The following NKAIN3 variants were observed in gnomAD, a reference collection of about 807,000 sequenced individuals.
NKAIN3 encodes the protein sodium/potassium-transporting ATPase subunit beta-1-interacting protein 3.
In NKAIN3, 25 loss-of-function variants were observed where a neutral mutation model predicts 30.2. The ratio of observed to expected loss-of-function variants is 0.83; its 90% confidence interval spans 0.60 to 1.16. The LOEUF is 1.16. Among genes scored for constraint, NKAIN3 ranks in the 50% most tolerant of loss-of-function variants. The pLI, the probability that NKAIN3 is intolerant of heterozygous loss-of-function variation, is 0.00. For missense variants in NKAIN3, 225 were observed against 254.1 expected (o/e 0.89, Z 0.78); for synonymous variants, 91 against 89.6 (o/e 1.02, Z -0.09).
At chr8:62,839,310 A>C (rs1819461637) in intron 4 of NKAIN3, among the ~76,000 whole-genome samples, 1 of 151,958 alleles carries the variant, frequency 6.6e-6, no homozygotes. Flanking sequence ...CATTAAAAAA[A>C]AAAAAACAAA....
At chr8:62,696,666 T>TA (rs5891869) in intron 3 of NKAIN3, among the ~76,000 whole-genome samples, 9,159 of 147,408 alleles carry the variant, frequency 0.062, 858 homozygotes, top group African/African-American at 0.2. Context: ...AGTTCCCAAT[T>TA]AAAAAAAAAA....
At chr8:62,954,636 A>T (rs1035448177) in intron 6 of NKAIN3, among the ~76,000 whole-genome samples, 1 of 152,226 alleles carries the variant, frequency 6.6e-6, no homozygotes, top group Non-Finnish European at 1.5e-5. Flanking sequence ...ACTAGGAAAC[A>T]TGGAAATAGA....
At chr8:62,420,869 A>G (rs1563391215) in intron 1 of NKAIN3, among the ~76,000 whole-genome samples, 1 of 152,212 alleles carries the variant, frequency 6.6e-6, no homozygotes, top group Non-Finnish European at 1.5e-5. Flanking sequence ...TTTTGCTAAA[A>G]TATGGTTTTG....
intron 1 of NKAIN3, among the ~76,000 whole-genome samples, chr8:62,526,515 A>G (rs932669917): frequency 6.6e-6 from 1 of 152,136 alleles, no homozygotes; most frequent in Non-Finnish European, 1.5e-5. Context: ...TAAATAGTAG[A>G]TTACTAGTTT....
chr8:62,602,015 A>G (rs188824961), intron 3 of NKAIN3, among the ~76,000 whole-genome samples: 1 of 152,076 alleles, frequency 6.6e-6, no homozygotes, highest in African/African-American at 2.4e-5. Context: ...TTTTTCATAA[A>G]TTTCATCAAA....
At chr8:62,796,545 A>G (rs2130683597) in intron 4 of NKAIN3, among the ~76,000 whole-genome samples, 1 of 152,184 alleles carries the variant, frequency 6.6e-6, no homozygotes, top group South Asian at 2.1e-4. Flanking sequence ...AGCCAATCTG[A>G]ATTCCTCACA....
Position 62,715,679 on chromosome 8 carries a change from C to T in NKAIN3, c.274-31253C>T, listed in dbSNP as rs139736927. ...GATACATTTGTTGTTGTCATTGTTA[C>T]GTTATTGTGACAATGTCAAGAAGAA... On this transcript the variant is annotated intron_variant, in intron 3 of 6. Transcript: ENST00000623646. Among the ~76,000 whole-genome samples the T allele has an allele frequency of 1.2e-4, 19 of 152,222 alleles. No individual in the cohort carries two copies. In the East Asian group the frequency reaches 1.9e-3, roughly 15 times the overall value.
chr8:62,866,773 G>A lies in NKAIN3; in HGVS notation c.472-51680G>A, dbSNP rs569586168. ...TTAAAAATTAAAGTATTGGCCAGGC[G>A]CAGTGGCTCACGCCTCTAATCCCAG... On this transcript the variant is annotated intron_variant, in intron 4 of 6. Transcript: ENST00000623646. 5.3e-5 allele frequency among the ~76,000 whole-genome samples: 8 copies of A among 152,038 alleles called. No individual in the cohort carries two copies. In the East Asian group the frequency reaches 1.6e-3, roughly 29 times the overall value.
chr8:62,789,438 G>A (rs1817632270), intron 4 of NKAIN3, among the ~76,000 whole-genome samples: 1 of 152,122 alleles, frequency 6.6e-6, no homozygotes, highest in Admixed American at 6.6e-5. Flanking sequence ...TTTGGGCTGA[G>A]ACAATGGGGT....
At chr8:62,440,765 G>A (rs1274578875) in intron 1 of NKAIN3, among the ~76,000 whole-genome samples, 2 of 151,566 alleles carry the variant, frequency 1.3e-5, no homozygotes, top group Non-Finnish European at 2.9e-5. Flanking sequence ...GAAAGACCTT[G>A]GCATGCAGTG....
rs753518574 is a variant in NKAIN3, at chr8:62,794,198, CAGTA to C, written c.471+47076_471+47079del. On this transcript the variant is annotated intron_variant, in intron 4 of 6. Coordinates refer to ENST00000623646, the MANE Select transcript of NKAIN3 (RefSeq NM_001304533.3). ...CACATAAAGCCTATTAATTTCTCTACAGTAAGTAAGGTGGCTTGACTAGTAATAA... is the reference window on the plus strand; with the variant it reads ...CACATAAAGCCTATTAATTTCTCTACAGTAAGGTGGCTTGACTAGTAATAA... Among the ~76,000 whole-genome samples the C allele has an allele frequency of 8.5e-4, 130 of 152,288 alleles. 1 individual carries two copies. The highest frequency in any genetic ancestry group is 6.8e-3 in the Middle Eastern group (2 of 294).
At chr8:62,338,976 T>A (rs1815654077) in intron 1 of NKAIN3, among the ~76,000 whole-genome samples, 1 of 151,952 alleles carries the variant, frequency 6.6e-6, no homozygotes, top group Non-Finnish European at 1.5e-5. Context: ...CCAATCAAGT[T>A]CATACTCAGT....
intron 3 of NKAIN3, among the ~76,000 whole-genome samples, chr8:62,593,524 C>G (rs1444640131): frequency 6.6e-6 from 1 of 151,716 alleles, no homozygotes; most frequent in East Asian, 1.9e-4. Context: ...AATAAACTAA[C>G]AAGCATGTAG....
At chr8:62,728,437 C>T (rs62509548) in intron 3 of NKAIN3, among the ~76,000 whole-genome samples, 14 of 152,100 alleles carry the variant, frequency 9.2e-5, no homozygotes, top group South Asian at 2.1e-4. Context: ...CCGAGGTGGG[C>T]GGATCACCTG....
intron 1 of NKAIN3, among the ~76,000 whole-genome samples, chr8:62,279,149 C>T (rs923266138): frequency 2.4e-4 from 37 of 152,092 alleles, no homozygotes; most frequent in Admixed American, 8.5e-4. Flanking sequence ...CATTTTTTCA[C>T]GTGTCTGTTG....
At chr8:62,291,029 G>T (rs1035845125) in intron 1 of NKAIN3, among the ~76,000 whole-genome samples, 1 of 152,174 alleles carries the variant, frequency 6.6e-6, no homozygotes, top group South Asian at 2.1e-4. Flanking sequence ...TTTGAATAGA[G>T]GTGTTTGTAG....
Position 62,625,051 on chromosome 8 carries a change from A to G in NKAIN3, c.273+35257A>G, listed in dbSNP as rs59949557. ...CTTAGCATATTCATCATTTAAAAAA[A>G]TTCCTGGTCTGATAATTTCAACATT... On this transcript the variant is annotated intron_variant, in intron 3 of 6. Transcript: ENST00000623646. Among the ~76,000 whole-genome samples the G allele has an allele frequency of 7.8e-4, 119 of 152,162 alleles. 4 individuals are homozygous for G. In the East Asian group the frequency reaches 0.022, roughly 28 times the overall value.
intron 1 of NKAIN3, among the ~76,000 whole-genome samples, chr8:62,267,796 A>G (rs1812653924): frequency 1.3e-5 from 2 of 152,240 alleles, no homozygotes; most frequent in South Asian, 2.1e-4. Flanking sequence ...AATATGTCCC[A>G]TAGATTGTTG....
At chr8:62,955,320 A>T (rs1823392063) in intron 6 of NKAIN3, among the ~76,000 whole-genome samples, 1 of 152,216 alleles carries the variant, frequency 6.6e-6, no homozygotes, top group Non-Finnish European at 1.5e-5. Flanking sequence ...TCACCACCTC[A>T]TTACTCATAT....
Sources: gnomAD v4.1 joint callset for allele counts (sites outside exome capture counted in the v4.1 genomes callset) on GRCh38, gnomAD v4.1.1 for gene constraint, MANE v1.5 for transcripts, NCBI Gene and HGNC (gene_info 2026-07-23, HGNC 2026-07-21) for gene names.